Variants in COTL1 observed in about 807,000 individuals in gnomAD.
COTL1 encodes coactosin-like protein.
A neutral mutation model predicts 16.5 loss-of-function variants in COTL1; 15 were observed. That is an observed-to-expected ratio of 0.91 (90% CI 0.61 to 1.40). The LOEUF is 1.40. Ranked by LOEUF, COTL1 falls within the 40% of genes most tolerant of loss-of-function variation. The pLI is 0.00. For synonymous variants in COTL1, 112 were observed against 85.3 expected, an observed-to-expected ratio of 1.31 and a Z score of -1.73; for missense variants, 220 against 201.5, an observed-to-expected ratio of 1.09 and a Z score of -0.56.
intron 3 of COTL1, among the ~76,000 whole-genome samples, chr16:84,573,747 A>C (rs1904385445): frequency 1.1e-5 from 1 of 87,398 alleles, no homozygotes; most frequent in South Asian, 3.7e-4. Flanking sequence ...TCTCAAAAAA[A>C]AAAAAATATA....
At chr16:84,569,385 TA>T (rs1269396557) in intron 3 of COTL1, among the ~76,000 whole-genome samples, 1 of 151,794 alleles carries the variant, frequency 6.6e-6, no homozygotes, top group Non-Finnish European at 1.5e-5. Flanking sequence ...AATTAAAAAA[TA>T]AAAAACAAAA....
chr16:84,615,746 C>A (rs1374091273), intron 2 of COTL1, among the ~76,000 whole-genome samples: 6 of 152,154 alleles, frequency 3.9e-5, no homozygotes, highest in Non-Finnish European at 7.3e-5. Flanking sequence ...TCCTGCCCTG[C>A]CAACTCTCCA....
chr16:84,575,695 T>C (rs1465440029), intron 3 of COTL1: 1 of 152,132 alleles, frequency 6.6e-6, no homozygotes, highest in Non-Finnish European at 1.5e-5. Flanking sequence ...TGCCCAGGTT[T>C]AAACCCCAGC....
Position 84,608,697 on chromosome 16 carries a change from G to T in COTL1, c.160+8804C>A, listed in dbSNP as rs1458760882. Among the ~76,000 whole-genome samples the T allele has an allele frequency of 2.0e-5, 3 of 152,346 alleles. No individual in the cohort carries two copies. The East Asian group carries it at 5.8e-4, about 29-fold the overall frequency. ...AAGGCAAGTGGATCGCTTGAGCCCA[G>T]GAGTTCGAGACCTGCCTGGACAACA... On this transcript the variant is annotated intron_variant, in intron 2 of 3. Transcript: ENST00000262428.
At chr16:84,612,995 TTTCTTTCTTTC>T (rs1242296635) in intron 2 of COTL1, among the ~76,000 whole-genome samples, 1 of 115,662 alleles carries the variant, frequency 8.6e-6, no homozygotes, top group Admixed American at 8.9e-5. Flanking sequence ...TCTTTCTTTC[TTTCTTTCTTTC>T]TTTTTTTTTT....
At chr16:84,578,322 T>A (rs1017598435) in intron 3 of COTL1, among the ~76,000 whole-genome samples, 1 of 152,206 alleles carries the variant, frequency 6.6e-6, no homozygotes, top group Non-Finnish European at 1.5e-5. Flanking sequence ...TACTCAAAGA[T>A]GTTCATTGCC....
chr16:84,614,632 T>C lies in COTL1; in HGVS notation c.160+2869A>G, dbSNP rs1423142326. Among the ~76,000 whole-genome samples the C allele has an allele frequency of 2.0e-5, 3 of 152,066 alleles. No homozygotes were observed. The East Asian group carries it at 5.8e-4, about 29-fold the overall frequency. ...CAGGAAGGCCCACACCCTGAGGTTA[T>C]AAGGAAGAAACTGGGTGCTGTTTCT... On this transcript the variant is annotated intron_variant, in intron 2 of 3. Transcript: ENST00000262428.
intron 2 of COTL1, among the ~76,000 whole-genome samples, chr16:84,598,701 G>A (rs1486171891): frequency 2.7e-5 from 4 of 150,574 alleles, no homozygotes; most frequent in Non-Finnish European, 5.9e-5. Context: ...AGAGGGATGG[G>A]GCAGGGAAAG....
intron 3 of COTL1, among the ~76,000 whole-genome samples, chr16:84,587,977 G>A (rs1904774698): frequency 6.6e-6 from 1 of 151,982 alleles, no homozygotes. Flanking sequence ...TTGCCATGTT[G>A]GCCAGGCTGG....
chr16:84,617,600 GAA>G lies in COTL1; in HGVS notation c.78-19_78-18del, dbSNP rs759670407. The stretch of plus-strand genomic sequence containing the variant: ...AAAGTCACCCTTTGGGTTGGGAGAA[GAA>G]AAAAACACACACACACATCAGCGCT... On this transcript the variant is annotated intron_variant, in intron 1 of 3. Transcript: ENST00000262428. 3.2e-6 allele frequency: 5 copies of G among 1,551,136 alleles called. No individual in the cohort carries two copies. The highest frequency in any genetic ancestry group is 4.4e-6 in the Non-Finnish European group (5 of 1,146,086).
intron 3 of COTL1, among the ~76,000 whole-genome samples, chr16:84,585,710 G>T (rs1904705089): frequency 6.6e-6 from 1 of 152,124 alleles, no homozygotes. Context: ...TTTAGCGGCC[G>T]TGGAAAGACA....
intron 3 of COTL1, among the ~76,000 whole-genome samples, chr16:84,572,031 G>C (rs887792367): frequency 6.6e-6 from 1 of 152,238 alleles, no homozygotes; most frequent in African/African-American, 2.4e-5. Flanking sequence ...CTGAGCCTCA[G>C]CCTAAAAACC....
chr16:84,588,365 G>C (rs1459308376), intron 3 of COTL1, among the ~76,000 whole-genome samples: 3 of 152,006 alleles, frequency 2.0e-5, no homozygotes, highest in Non-Finnish European at 4.4e-5. Context: ...TTACATTACT[G>C]TGGTACATTT....
At chr16:84,581,410 C>T (rs1311169892) in intron 3 of COTL1, among the ~76,000 whole-genome samples, 1 of 152,160 alleles carries the variant, frequency 6.6e-6, no homozygotes, top group Admixed American at 6.5e-5. Flanking sequence ...TCATGCTTTG[C>T]AAGGGGGAGC....
chr16:84,604,343 G>A (rs980878555), intron 2 of COTL1, among the ~76,000 whole-genome samples: 4 of 136,838 alleles, frequency 2.9e-5, no homozygotes, highest in Non-Finnish European at 4.7e-5. Context: ...CCACCCCATG[G>A]CCCTACTAGG....
At chr16:84,600,877 C>G (rs920369062) in intron 2 of COTL1, among the ~76,000 whole-genome samples, 3 of 152,194 alleles carry the variant, frequency 2.0e-5, no homozygotes, top group Non-Finnish European at 4.4e-5. Context: ...ATAAGCTGAT[C>G]TGGATACCCA....
intron 3 of COTL1, among the ~76,000 whole-genome samples, chr16:84,585,353 CAAAAAA>C (rs5818498): frequency 2.4e-5 from 3 of 127,012 alleles, no homozygotes; most frequent in African/African-American, 5.7e-5. Flanking sequence ...AGATTGTCTC[CAAAAAA>C]AAAAAAAAAA....
rs200837618 is a variant in COTL1, at chr16:84,590,184, G to A, written c.239C>T (p.Thr80Met). 8 of 1,614,058 alleles carry A rather than the reference G, an allele frequency of 5.0e-6. No individual in the cohort carries two copies. The highest frequency in any genetic ancestry group is 1.3e-5 in the African/African-American group (1 of 74,912). The change falls in exon 3 of 4, where the codon ACG becomes ATG. Residue 80 changes from threonine to methionine, a missense_variant. Physicochemically the swap from Thr to Met is moderately conservative, Grantham distance 81 (BLOSUM62 -1). Coordinates refer to ENST00000262428, the MANE Select transcript of COTL1 (RefSeq NM_021149.5). The surrounding 1 kb of genome is among the most constrained non-coding windows in gnomAD (Gnocchi z 5.5). Reference sequence around the variant, plus strand: ...CCCGCTGACGTTCTCACCGATCCACGTGATGAGGGCAAACTTGGACCTCTT... The same window carrying A: ...CCCGCTGACGTTCTCACCGATCCACATGATGAGGGCAAACTTGGACCTCTT... Reference protein sequence around the residue: ...MSKRSKFALITWIGENVSGLQ... With the variant: ...MSKRSKFALIMWIGENVSGLQ...
chr16:84,584,957 G>A (rs552352674), intron 3 of COTL1, among the ~76,000 whole-genome samples: 1 of 152,224 alleles, frequency 6.6e-6, no homozygotes, highest in African/African-American at 2.4e-5. Flanking sequence ...AAAGTCCACC[G>A]TACTACACCT....
Sources: allele counts gnomAD v4.1 joint callset (sites outside exome capture counted in the v4.1 genomes callset), GRCh38; gene constraint gnomAD v4.1.1; non-coding constraint Gnocchi (gnomAD v3.1); transcripts MANE v1.5; gene names NCBI Gene and HGNC (gene_info 2026-07-23, HGNC 2026-07-21).